PEX10: variants seen among roughly 807,000 people sequenced by gnomAD.
PEX10 encodes the protein peroxisome biogenesis factor 10.
A neutral mutation model predicts 38.0 loss-of-function variants in PEX10; 32 were observed. The ratio of observed to expected loss-of-function variants is 0.84; its 90% confidence interval spans 0.63 to 1.13. The LOEUF (loss-of-function observed/expected upper bound fraction) is 1.13, where lower values mean the gene tolerates loss of function less well. PEX10 is among the 50% of genes most tolerant of loss of function. PEX10 has a pLI of 0.00. For synonymous variants in PEX10, 206 were observed against 207.3 expected, an observed-to-expected ratio of 0.99 and a Z score of 0.05; for missense variants, 483 against 457.7, an observed-to-expected ratio of 1.06 and a Z score of -0.51.
In PEX10 at chr1:2,412,494, CGG is replaced by C; in HGVS notation, c.7_8del (p.Pro3GlyfsTer47). On this transcript the variant is annotated frameshift_variant, in exon 1 of 6. Transcript: ENST00000447513. LOFTEE classifies it high-confidence loss of function. MA[P>X]AAASPPEVIR... ...TCACCTCCGGGGGGCTGGCGGCGGC[CGG>C]GGCCATGGCCGCGGGTTCGGGTGGT... The C allele has an allele frequency of 7.3e-7, 1 of 1,370,166 alleles. No individual in the cohort carries two copies. Among genetic ancestry groups the C allele is most frequent in the Admixed American group, 3.3e-5 (1 of 29,870 alleles). 84.9% of individuals were successfully genotyped at this position (1,370,166 alleles called of 1,614,324 possible).
At chr1:2,412,896 G>A (rs982324971), upstream of PEX10, among the ~76,000 whole-genome samples, 2 of 152,172 alleles carry the variant, frequency 1.3e-5, no homozygotes, top group African/African-American at 2.4e-5. Context: ...GCACGTCCAC[G>A]GGCCGCCCTC....
chr1:2,408,771 A>G lies in PEX10; in HGVS notation c.281T>C (p.Val94Ala), dbSNP rs755607874. The G allele has an allele frequency of 1.2e-6, 2 of 1,613,920 alleles. No homozygotes were observed. Among genetic ancestry groups the G allele is most frequent in the East Asian group, 2.2e-5 (1 of 44,870 alleles). The change falls in exon 3 of 6, where the codon GTG (valine) becomes GCG (alanine). Residue 94 changes from valine to alanine, a missense_variant. Transcript: ENST00000447513. ...IHVPSSLRRG[V>A]LVTLHAVLPY... ...CAGGACGGCATGCAGTGTCACCAGC[A>G]CGCCACGGCGCAGCGAGGAGGGCAC...
At position 2,404,498 on chromosome 1, in the gene PEX10, T is replaced by C. The variant is rs1251460254; in HGVS notation, c.*1268A>G. On this transcript the variant is annotated 3_prime_UTR_variant, in exon 6 of 6. Transcript: ENST00000447513. ...AAGCAAAGGACTGGGTGCTGATGGA[T>C]GGAGCCACGGCGGCATCTGCCCACC... The C allele has an allele frequency of 3.3e-5, 5 of 152,272 alleles. No homozygotes were observed. The highest frequency in any genetic ancestry group is 5.9e-5 in the Non-Finnish European group (4 of 68,068). 9.4% of individuals were successfully genotyped at this position (152,272 alleles called of 1,614,324 possible).
rs369786539 is a variant in PEX10 at position 2,408,909 on chromosome 1, C to G, written c.194-51G>C. 1.3e-4 allele frequency: 212 copies of G among 1,582,058 alleles called. No individual in the cohort carries two copies. In the African/African-American group the frequency reaches 1.9e-3, roughly 14 times the overall value. ...GACCCTGAGACTGCTGCCGCGGGGA[C>G]AGGCTCCCGGCGCCCCTGCCAGCCG... On this transcript the variant is annotated intron_variant, in intron 2 of 5. Transcript: ENST00000447513.
chr1:2,406,263 A>C (rs1212757131), intron 5 of PEX10, among the ~76,000 whole-genome samples: 3 of 152,166 alleles, frequency 2.0e-5, no homozygotes, highest in Non-Finnish European at 2.9e-5. Context: ...CACTACCCCA[A>C]CCTGCATTCG....
Position 2,412,525 on chromosome 1 carries a change from G to T in PEX10, c.-23C>A. 5 of 1,325,670 alleles carry T rather than the reference G, an allele frequency of 3.8e-6. No homozygotes were observed. The highest frequency in any genetic ancestry group is 4.8e-6 in the Non-Finnish European group (5 of 1,041,604). The allele number at this position is 1,325,670 out of a possible 1,614,324, so 82.1% of individuals were successfully genotyped here. A position where few individuals can be genotyped will look rare whatever the true frequency, so the allele number is the denominator to read the frequency against. ...CATGGCCGCGGGTTCGGGTGGTCCC[G>T]AGCAGCCACGCCGGCCACGCCCACG... On this transcript the variant is annotated 5_prime_UTR_variant, in exon 1 of 6. Coordinates refer to ENST00000447513, the MANE Select transcript of PEX10 (RefSeq NM_002617.4).
At chr1:2,412,254 G>A in intron 1 of PEX10, 137 bp downstream of exon 1, 1 of 1,224,140 alleles carries the variant, frequency 8.2e-7, no homozygotes, top group Non-Finnish European at 1.0e-6. Context: ...CGCAGGGCAG[G>A]CGAAGGAGAC....
chr1:2,409,685 C>T lies in PEX10; in HGVS notation c.193+686G>A, dbSNP rs1281918594. On this transcript the variant is annotated intron_variant, in intron 2 of 5. Coordinates refer to ENST00000447513, the MANE Select transcript of PEX10 (RefSeq NM_002617.4). The surrounding 1 kb of genome is among the most constrained non-coding windows in gnomAD (Gnocchi z 6.2). ...TGGGCTTACAAAACTCACGAGCCCC[C>T]CGGGGTCATTCTCCCAAACCGCCAA... is the stretch of plus-strand genomic sequence containing the variant. 6.4e-6 allele frequency: 1 copy of T among 155,240 alleles called. No homozygotes were observed. The highest frequency in any genetic ancestry group is 1.4e-5 in the Non-Finnish European group (1 of 70,016). The allele number at this position is 155,240 out of a possible 1,614,324, so 9.6% of individuals were successfully genotyped here.
chr1:2,407,895 G>C (rs1263231905), intron 3 of PEX10, among the ~76,000 whole-genome samples: 1 of 152,156 alleles, frequency 6.6e-6, no homozygotes, highest in African/African-American at 2.4e-5. Context: ...CACGGGGGAG[G>C]CTTCGTTGCT....
At position 2,408,497 on chromosome 1, in the gene PEX10, G is replaced by A. The variant is rs75377471; in HGVS notation, c.555C>T (p.His185=). The A allele has an allele frequency of 3.8e-4, 618 of 1,612,966 alleles. 10 individuals carry two copies. The East Asian group carries it at 0.013, about 34-fold the overall frequency. Residue 185 remains histidine, a synonymous_variant, in exon 3 of 6, where the codon CAC becomes CAT. Coordinates refer to ENST00000447513, the MANE Select transcript of PEX10 (RefSeq NM_002617.4). ...TCTTGGCCAGGTGGTAGAAGACACC[G>A]TGGATGTAAAACCAGGCAACATGTA... The part of the protein sequence containing the change: ...QRLHVAWFYI[H]GVFYHLAKRL...
At position 2,412,452 on chromosome 1, in the gene PEX10, C is replaced by A; in HGVS notation, c.51G>T (p.Lys17Asn). 1 of 1,425,792 alleles carries A rather than the reference C, an allele frequency of 7.0e-7. No individual in the cohort carries two copies. Among genetic ancestry groups the A allele is most frequent in the Admixed American group, 2.8e-5 (1 of 35,610 alleles). 88.3% of individuals were successfully genotyped at this position (1,425,792 alleles called of 1,614,324 possible). ...SPPEVIRAAQ[K>N]DEYYRGGLRS... is the part of the protein sequence containing the mutation. ...GCAGCCCACCGCGGTAGTACTCGTC[C>A]TTCTGCGCCGCGCGGATCACCTCCG... Residue 17 changes from lysine (K) to asparagine (N), a missense_variant, in exon 1 of 6, where the codon AAG (lysine) becomes AAT (asparagine). Transcript: ENST00000447513.
rs920634712 is a variant in PEX10 at position 2,404,133 on chromosome 1, A to C, written c.*1633T>G. On this transcript the variant is annotated 3_prime_UTR_variant, in exon 6 of 6. Coordinates refer to ENST00000447513, the MANE Select transcript of PEX10 (RefSeq NM_002617.4). ...AGATGAGACACTGACATGCGAGTGAAGGCCTCTCCTCCTGGGCCCCGGGCT... is the reference window on the plus strand; with the variant it reads ...AGATGAGACACTGACATGCGAGTGACGGCCTCTCCTCCTGGGCCCCGGGCT... The C allele has an allele frequency of 6.6e-6, 1 of 152,162 alleles. No homozygotes were observed. Among genetic ancestry groups the C allele is most frequent in the African/African-American group, 2.4e-5 (1 of 41,460 alleles). The allele number at this position is 152,162 out of a possible 1,614,324, so 9.4% of individuals were successfully genotyped here. A position where few individuals can be genotyped will look rare whatever the true frequency, so the allele number is the denominator to read the frequency against.
chr1:2,405,550 G>A lies in PEX10; in HGVS notation c.*216C>T, dbSNP rs991110654. 1.3e-5 allele frequency: 9 copies of A among 669,680 alleles called. No homozygotes were observed. In the East Asian group the frequency reaches 2.5e-4, roughly 18 times the overall value. 41.5% of individuals were successfully genotyped at this position (669,680 alleles called of 1,614,324 possible). A position where few individuals can be genotyped will look rare whatever the true frequency, so the allele number is the denominator to read the frequency against. ...CTGAGTCCTACCAGGTTGGGGTTAG[G>A]GAAATGTTCTGGGTTCAGGCGCCCC... is the stretch of plus-strand genomic sequence containing the variant. On this transcript the variant is annotated 3_prime_UTR_variant, in exon 6 of 6. Transcript: ENST00000447513.
intron 3 of PEX10, 103 bp from the exon 4 acceptor site, chr1:2,406,998 C>G (rs1408370941): frequency 3.4e-6 from 5 of 1,485,754 alleles, no homozygotes; most frequent in Admixed American, 2.0e-5. Context: ...CACGTTAGAA[C>G]CAGGCCTCTC....
intron 1 of PEX10, among the ~76,000 whole-genome samples, chr1:2,411,230 C>CTTTTT (rs140273455): frequency 1.9e-4 from 22 of 114,006 alleles, no homozygotes; most frequent in East Asian, 2.6e-4. Context: ...ATGGCTTTGC[C>CTTTTT]TTTTTTTTTT....
chr1:2,406,403 T>C, intron 5 of PEX10, 81 bp downstream of exon 5: 1 of 1,572,218 alleles, frequency 6.4e-7, no homozygotes, highest in Non-Finnish European at 8.7e-7. Flanking sequence ...AGAGCCAGAC[T>C]CCCCACTTCT....
At position 2,406,617 on chromosome 1, in the gene PEX10, G is replaced by A. The variant is rs747171383; in HGVS notation, c.779C>T (p.Ala260Val). The part of the protein sequence containing the change: ...RLHRGLSHRR[A>V]SLEERAVSRN... ...GGAAACGGCTCTCTCCTCCAAGGAG[G>A]CCCTGGGGAAGGTGGGGCAGAGCGT... is the stretch of plus-strand genomic sequence containing the variant. Residue 260 changes from alanine (A) to valine (V), a missense_variant and splice_region_variant, in exon 5 of 6, where the codon GCC (alanine) becomes GTC (valine). Transcript: ENST00000447513. 6.2e-7 allele frequency: 1 copy of A among 1,613,198 alleles called. No homozygotes were observed. Among genetic ancestry groups the A allele is most frequent in the Non-Finnish European group, 8.5e-7 (1 of 1,179,840 alleles).
At chr1:2,413,301 C>G (rs1156773902), upstream of PEX10, among the ~76,000 whole-genome samples, 1 of 152,256 alleles carries the variant, frequency 6.6e-6, no homozygotes, top group Non-Finnish European at 1.5e-5. Context: ...CCACCCTCCA[C>G]CCTCCACCCT....
rs1384233765 is a variant in PEX10 at position 2,409,370 on chromosome 1, GC to G, written c.194-513del. 6.6e-6 allele frequency among the ~76,000 whole-genome samples: 1 copy of G among 151,928 alleles called. No individual in the cohort carries two copies. The highest frequency in any genetic ancestry group is 1.5e-5 in the Non-Finnish European group (1 of 67,986). On this transcript the variant is annotated intron_variant, in intron 2 of 5. Coordinates refer to ENST00000447513, the MANE Select transcript of PEX10 (RefSeq NM_002617.4). This position sits in a 1 kb window ranked among gnomAD's most constrained non-coding sequence, Gnocchi z 6.2. ...CACCCCTGCCGAGACAGCTTTCAGCGCCCCCACCCAGAAAAGCCTGCTCCCC... is the reference window on the plus strand; with the variant it reads ...CACCCCTGCCGAGACAGCTTTCAGCGCCCCACCCAGAAAAGCCTGCTCCCC...
Sources: gnomAD v4.1 joint callset for allele counts (sites outside exome capture counted in the v4.1 genomes callset) on GRCh38, gnomAD v4.1.1 for gene constraint, Gnocchi (gnomAD v3.1) non-coding constraint, MANE v1.5 for transcripts, NCBI Gene and HGNC (gene_info 2026-07-23, HGNC 2026-07-21) for gene names.